KIAA1328: variants seen among roughly 807,000 people sequenced by gnomAD.
KIAA1328 encodes the protein protein hinderin.
Under a neutral mutation model 68.1 loss-of-function variants are expected in KIAA1328, and 52 were observed. The observed-to-expected ratio is 0.76, with a 90% CI of 0.61 to 0.96. The LOEUF (loss-of-function observed/expected upper bound fraction) is 0.96, where lower values mean the gene tolerates loss of function less well. KIAA1328 is among the 40% of genes least tolerant of loss of function. KIAA1328 has a pLI of 0.00. For synonymous variants in KIAA1328, 232 were observed against 239.4 expected (o/e 0.97, Z 0.28); for missense variants, 641 against 677.6 (o/e 0.95, Z 0.60).
intron 7 of KIAA1328, among the ~76,000 whole-genome samples, chr18:37,133,191 G>A (rs959619718): frequency 2.6e-5 from 4 of 152,204 alleles, no homozygotes; most frequent in African/African-American, 9.6e-5. Flanking sequence ...AATTAGGTGG[G>A]TGTGATGGCG....
intron 9 of KIAA1328, among the ~76,000 whole-genome samples, chr18:37,186,725 A>G (rs1056503618): frequency 2.0e-5 from 3 of 152,196 alleles, no homozygotes; most frequent in Non-Finnish European, 4.4e-5. Flanking sequence ...CTAACGAAAG[A>G]AAGAATGACT....
At chr18:36,994,626 G>C (rs926821385) in intron 6 of KIAA1328, among the ~76,000 whole-genome samples, 1 of 152,136 alleles carries the variant, frequency 6.6e-6, no homozygotes, top group African/African-American at 2.4e-5. Flanking sequence ...TAATGCCCTA[G>C]TTCTGAAAAA....
intron 6 of KIAA1328, among the ~76,000 whole-genome samples, chr18:36,961,136 T>C (rs1568219478): frequency 1.3e-5 from 2 of 152,170 alleles, no homozygotes; most frequent in Admixed American, 6.5e-5. Flanking sequence ...CTGATGGAGC[T>C]GAAAACCATG....
intron 7 of KIAA1328, among the ~76,000 whole-genome samples, chr18:37,093,182 A>G (rs1302765040): frequency 6.6e-6 from 1 of 152,224 alleles, no homozygotes; most frequent in African/African-American, 2.4e-5. Flanking sequence ...ATAAAATTGG[A>G]AGAAATGACT....
intron 6 of KIAA1328, among the ~76,000 whole-genome samples, chr18:37,013,122 A>G (rs1053038141): frequency 6.6e-6 from 1 of 152,120 alleles, no homozygotes; most frequent in Non-Finnish European, 1.5e-5. Context: ...TTATAGTTTC[A>G]TCATATTAAA....
chr18:37,178,893 T>C (rs2059645848), intron 9 of KIAA1328, among the ~76,000 whole-genome samples: 1 of 152,196 alleles, frequency 6.6e-6, no homozygotes, highest in South Asian at 2.1e-4. Context: ...GAAATGTCTA[T>C]TCAGGTCTTT....
intron 3 of KIAA1328, among the ~76,000 whole-genome samples, chr18:36,840,692 C>A (rs2046830888): frequency 6.6e-6 from 1 of 152,082 alleles, no homozygotes; most frequent in Non-Finnish European, 1.5e-5. Flanking sequence ...ACCTCGTGAT[C>A]CACCCACCTC....
At chr18:36,832,777 G>C (rs146844639) in intron 1 of KIAA1328, 77 of 151,474 alleles carry the variant, frequency 5.1e-4, no homozygotes, top group African/African-American at 1.8e-3. Flanking sequence ...TTACCCTCTT[G>C]GTGCCTACAT....
chr18:37,036,184 C>G (rs2055019162), intron 6 of KIAA1328, among the ~76,000 whole-genome samples: 1 of 152,128 alleles, frequency 6.6e-6, no homozygotes, highest in South Asian at 2.1e-4. Flanking sequence ...GAAAACTGCT[C>G]TGTGAAAGAA....
At chr18:37,152,094 T>C (rs527553540) in intron 7 of KIAA1328, among the ~76,000 whole-genome samples, 129 of 113,094 alleles carry the variant, frequency 1.1e-3, no homozygotes, top group African/African-American at 4.9e-3. Flanking sequence ...AATGGACCTA[T>C]GTAAAAAAAA....
chr18:37,030,923 A>G (rs2054799909), intron 6 of KIAA1328, among the ~76,000 whole-genome samples: 3 of 152,016 alleles, frequency 2.0e-5, no homozygotes, highest in Admixed American at 1.3e-4. Flanking sequence ...ATAAGTGAGA[A>G]CATGTGGTGT....
chr18:36,931,242 A>G (rs1341193349), intron 5 of KIAA1328, among the ~76,000 whole-genome samples: 2 of 152,126 alleles, frequency 1.3e-5, no homozygotes, highest in African/African-American at 4.8e-5. Flanking sequence ...GCAGACCAGT[A>G]CTGGTTAGTG....
intron 7 of KIAA1328, among the ~76,000 whole-genome samples, chr18:37,117,150 C>T (rs956590475): frequency 3.3e-5 from 5 of 152,146 alleles, no homozygotes; most frequent in African/African-American, 1.2e-4. Context: ...ACCCGGCCAT[C>T]CCAAGGGATT....
rs957066545 is a variant in KIAA1328, at chr18:36,974,702, G to A, written c.576+15267G>A. 2.0e-5 allele frequency among the ~76,000 whole-genome samples: 3 copies of A among 152,044 alleles called. 1 individual carries two copies. Among genetic ancestry groups the A allele is most frequent in the Non-Finnish European group, 4.4e-5 (3 of 68,006 alleles). ...AGATTGAATTGTTGTTCTATTTTTA[G>A]TTATTCGAGAAATCTCCATACTGTT... On this transcript the variant is annotated intron_variant, in intron 6 of 9. Coordinates refer to ENST00000280020, the MANE Select transcript of KIAA1328 (RefSeq NM_020776.3).
intron 4 of KIAA1328, among the ~76,000 whole-genome samples, chr18:36,879,479 C>G (rs992180962): frequency 1.3e-5 from 2 of 150,992 alleles, no homozygotes; most frequent in Admixed American, 1.3e-4. Context: ...GGAGGTGTCT[C>G]TCAGTCAGGA....
chr18:37,005,000 G>A (rs955247769), intron 6 of KIAA1328, among the ~76,000 whole-genome samples: 1 of 152,070 alleles, frequency 6.6e-6, no homozygotes, highest in Non-Finnish European at 1.5e-5. Flanking sequence ...ACTCAGGAAT[G>A]AAAAACCAAA....
At position 37,037,591 on chromosome 18, in the gene KIAA1328, A is replaced by C. The variant is rs2151608409; in HGVS notation, c.577-29299A>C. Reference sequence around the variant, plus strand: ...TAAACATTACTAAATATATGAAAGAAGGTTGTCTTTCGCCAGGCATGGTGG... The same window carrying C: ...TAAACATTACTAAATATATGAAAGACGGTTGTCTTTCGCCAGGCATGGTGG... On this transcript the variant is annotated intron_variant, in intron 6 of 9. Transcript: ENST00000280020. Among the ~76,000 whole-genome samples, 3 of 152,338 alleles carry C rather than the reference A, an allele frequency of 2.0e-5. No homozygotes were observed. In the South Asian group the frequency reaches 6.2e-4, roughly 32 times the overall value.
chr18:37,117,254 C>T (rs1267042683), intron 7 of KIAA1328, among the ~76,000 whole-genome samples: 1 of 152,170 alleles, frequency 6.6e-6, no homozygotes, highest in Non-Finnish European at 1.5e-5. Context: ...AAATGTCCAT[C>T]AGTGATAGAC....
intron 9 of KIAA1328, among the ~76,000 whole-genome samples, chr18:37,200,182 C>G (rs1338149822): frequency 2.0e-5 from 3 of 152,214 alleles, no homozygotes; most frequent in Non-Finnish European, 4.4e-5. Context: ...GACAGCTGCC[C>G]AGGACACACC....
Sources: gnomAD v4.1 joint callset for allele counts (sites outside exome capture counted in the v4.1 genomes callset) on GRCh38, gnomAD v4.1.1 for gene constraint, MANE v1.5 for transcripts, NCBI Gene and HGNC (gene_info 2026-07-23, HGNC 2026-07-21) for gene names.